DCLK2: variants seen among roughly 807,000 people sequenced by gnomAD.
DCLK2 encodes serine/threonine-protein kinase DCLK2.
In DCLK2, 31 loss-of-function variants were observed where a neutral mutation model predicts 78.4. That is an observed-to-expected ratio of 0.40 (90% CI 0.30 to 0.53). The LOEUF is 0.53. DCLK2 is among the 20% of genes least tolerant of loss of function. The probability of loss-of-function intolerance (pLI) is 0.61; values close to 1 mark genes in which losing one functional copy is unlikely to be tolerated. For synonymous variants in DCLK2, 407 were observed against 374.9 expected, an observed-to-expected ratio of 1.09 and a Z score of -0.99; for missense variants, 872 against 973.7, an observed-to-expected ratio of 0.90 and a Z score of 1.39.
intron 1 of DCLK2, among the ~76,000 whole-genome samples, chr4:150,092,892 G>T (rs1730192192): frequency 6.6e-6 from 1 of 152,136 alleles, no homozygotes; most frequent in African/African-American, 2.4e-5. Context: ...AGGCAAGGAT[G>T]CCCACTCTTG....
intron 11 of DCLK2, 105 bp from the exon 12 acceptor site, chr4:150,240,294 C>A: frequency 1.1e-6 from 1 of 924,224 alleles, no homozygotes; most frequent in Non-Finnish European, 1.7e-6. Context: ...AATAATTTAA[C>A]ACTAAAATAA....
intron 2 of DCLK2, among the ~76,000 whole-genome samples, chr4:150,139,094 A>G (rs954608125): frequency 4.6e-5 from 7 of 152,232 alleles, no homozygotes; most frequent in African/African-American, 1.7e-4. Flanking sequence ...GCTGGTATCA[A>G]ACTCAAGTGA....
intron 2 of DCLK2, among the ~76,000 whole-genome samples, chr4:150,103,098 T>G (rs1038768888): frequency 3.9e-5 from 5 of 128,656 alleles, no homozygotes; most frequent in Non-Finnish European, 8.9e-5. Context: ...GAGGGAAAAG[T>G]ATAAGTTGAG....
intron 10 of DCLK2, among the ~76,000 whole-genome samples, chr4:150,234,857 G>A (rs545552958): frequency 5.3e-5 from 8 of 152,160 alleles, no homozygotes; most frequent in South Asian, 4.2e-4. Context: ...AGGATATGGC[G>A]TTCTCTCCTC....
intron 1 of DCLK2, among the ~76,000 whole-genome samples, chr4:150,085,744 A>C (rs1314613306): frequency 6.6e-6 from 1 of 152,172 alleles, no homozygotes; most frequent in Non-Finnish European, 1.5e-5. Context: ...CCATGAGTGA[A>C]CCAAGAGCCC....
intron 1 of DCLK2, among the ~76,000 whole-genome samples, chr4:150,092,581 A>G (rs1412453315): frequency 6.6e-6 from 1 of 152,072 alleles, no homozygotes; most frequent in Non-Finnish European, 1.5e-5. Flanking sequence ...ATACTTGGCC[A>G]TTTGTATGTC....
chr4:150,098,023 T>A (rs369551516), intron 1 of DCLK2, among the ~76,000 whole-genome samples: 1 of 152,150 alleles, frequency 6.6e-6, no homozygotes, highest in Non-Finnish European at 1.5e-5. Context: ...CCTTATAAGA[T>A]ACCATGTGGT....
At position 150,079,320 on chromosome 4, in the gene DCLK2, C is replaced by A. The variant is rs1313517938; in HGVS notation, c.293C>A (p.Ser98Tyr). Residue 98 changes from serine (S) to tyrosine (Y), a missense_variant, in exon 1 of 16, where the codon TCC (serine) becomes TAC (tyrosine). By Grantham distance (144) the Ser-to-Tyr change is moderately radical. Coordinates refer to ENST00000296550, the MANE Select transcript of DCLK2 (RefSeq NM_001040260.4). ...GCCATCTCCAGCGACCGCTTCCGGT[C>A]CTTCGATGCGCTCCTCATAGAGCTC... ...VFAISSDRFR[S>Y]FDALLIELTR... The A allele has an allele frequency of 1.9e-6, 3 of 1,591,054 alleles. No homozygotes were observed. Among genetic ancestry groups the A allele is most frequent in the Middle Eastern group, 1.6e-4 (1 of 6,068 alleles).
At chr4:150,133,128 G>A (rs941639581) in intron 2 of DCLK2, among the ~76,000 whole-genome samples, 1 of 152,190 alleles carries the variant, frequency 6.6e-6, no homozygotes, top group African/African-American at 2.4e-5. Context: ...AGGAACACCA[G>A]ATAGCACTTC....
intron 2 of DCLK2, among the ~76,000 whole-genome samples, chr4:150,140,394 C>T (rs1308967060): frequency 6.6e-6 from 1 of 152,180 alleles, no homozygotes; most frequent in African/African-American, 2.4e-5. Context: ...CCTGCGACCC[C>T]AGGATCTCTA....
rs74951758 is a variant in DCLK2 at position 150,135,184 on chromosome 4, A to T, written c.756+32372A>T. Among the ~76,000 whole-genome samples, 17 of 151,904 alleles carry T rather than the reference A, an allele frequency of 1.1e-4. No individual in the cohort carries two copies. The East Asian group carries it at 2.1e-3, about 19-fold the overall frequency. ...CACGTGTACACACACACACACACAC[A>T]CACACACACTGTCTCTCTCAGTTTC... On this transcript the variant is annotated intron_variant, in intron 2 of 15. Coordinates refer to ENST00000296550, the MANE Select transcript of DCLK2 (RefSeq NM_001040260.4).
chr4:150,160,780 G>A (rs952547621), intron 2 of DCLK2, among the ~76,000 whole-genome samples: 5 of 152,086 alleles, frequency 3.3e-5, no homozygotes, highest in East Asian at 3.9e-4. Flanking sequence ...TCTTTGCTCC[G>A]GATATTTGGA....
At chr4:150,128,598 T>C (rs1733077687) in intron 2 of DCLK2, among the ~76,000 whole-genome samples, 2 of 152,174 alleles carry the variant, frequency 1.3e-5, no homozygotes, top group African/African-American at 4.8e-5. Flanking sequence ...GGGAAGCTGT[T>C]TTAGACAATA....
At chr4:150,223,878 T>C (rs1741390329) in intron 7 of DCLK2, among the ~76,000 whole-genome samples, 1 of 152,186 alleles carries the variant, frequency 6.6e-6, no homozygotes, top group South Asian at 2.1e-4. Context: ...AGCTGAAGTT[T>C]TGGCTGAGAA....
At chr4:150,183,786 T>C (rs920891847) in intron 2 of DCLK2, among the ~76,000 whole-genome samples, 6 of 151,420 alleles carry the variant, frequency 4.0e-5, no homozygotes, top group African/African-American at 1.5e-4. Flanking sequence ...CAGGCTAGAG[T>C]GCAGTGGCGC....
intron 10 of DCLK2, among the ~76,000 whole-genome samples, chr4:150,235,925 G>A (rs913799014): frequency 6.6e-6 from 1 of 152,158 alleles, no homozygotes; most frequent in African/African-American, 2.4e-5. Context: ...CACAGGGGTG[G>A]CCGTTAATGC....
rs902141161 is a variant in DCLK2, at chr4:150,078,587, C to CCCTTCCTT, written c.-433_-426dup. 1.3e-5 allele frequency: 2 copies of CCCTTCCTT among 151,690 alleles called. No homozygotes were observed. Among genetic ancestry groups the CCCTTCCTT allele is most frequent in the African/African-American group, 4.8e-5 (2 of 41,346 alleles). 9.4% of individuals were successfully genotyped at this position (151,690 alleles called of 1,614,324 possible). A position where few individuals can be genotyped will look rare whatever the true frequency, so the allele number is the denominator to read the frequency against. ...CTCCCACGCTCCGCGCCCCGCCCCA[C>CCCTTCCTT]CCTTCCTTCCTTCCTCCCCTCGGCG... On this transcript the variant is annotated 5_prime_UTR_variant, in exon 1 of 16. Transcript: ENST00000296550.
intron 1 of DCLK2, among the ~76,000 whole-genome samples, chr4:150,097,439 A>G (rs187560570): frequency 1.3e-5 from 2 of 152,308 alleles, no homozygotes; most frequent in East Asian, 3.9e-4. Flanking sequence ...CTGGGATTAC[A>G]GGCATGAGCT....
At chr4:150,175,086 A>ATATTTG (rs375914117) in intron 2 of DCLK2, among the ~76,000 whole-genome samples, 30,342 of 37,532 alleles carry the variant, frequency 0.81, 12,058 homozygotes, top group Non-Finnish European at 0.85. Context: ...ATATATTTAT[A>ATATTTG]TATATATTTA....
Sources: allele counts gnomAD v4.1 joint callset (sites outside exome capture counted in the v4.1 genomes callset), GRCh38; gene constraint gnomAD v4.1.1; transcripts MANE v1.5; gene names NCBI Gene and HGNC (gene_info 2026-07-23, HGNC 2026-07-21).